WDR27: variants seen among roughly 807,000 people sequenced by gnomAD.
WDR27 encodes the protein WD repeat-containing protein 27.
Under a neutral mutation model 114.4 loss-of-function variants are expected in WDR27, and 100 were observed. That is an observed-to-expected ratio of 0.87 (90% confidence interval 0.74 to 1.03). WDR27 has a LOEUF of 1.03. Among genes scored for constraint, WDR27 ranks in the 50% least tolerant of loss-of-function variants. The probability of loss-of-function intolerance (pLI) is 0.00; values close to 1 mark genes in which losing one functional copy is unlikely to be tolerated. For missense variants in WDR27, 1,129 were observed against 1,092.9 expected, an observed-to-expected ratio of 1.03 and a Z score of -0.47; for synonymous variants, 449 against 423.1, an observed-to-expected ratio of 1.06 and a Z score of -0.75.
intron 25 of WDR27, among the ~76,000 whole-genome samples, chr6:169,540,740 C>A (rs1562554063): frequency 6.6e-6 from 1 of 151,908 alleles, no homozygotes; most frequent in Middle Eastern, 3.4e-3. Flanking sequence ...TGAATAGAAT[C>A]TCTTTTTACC....
rs375891463 is a variant in WDR27 at position 169,457,261 on chromosome 6, T to C, written c.*331A>G. On this transcript the variant is annotated 3_prime_UTR_variant, in exon 26 of 26. Coordinates refer to ENST00000448612, the MANE Select transcript of WDR27 (RefSeq NM_182552.5). ...TGCCCAAAAGAAATTCTCTCTTTTT[T>C]CTTCCAACTCTAATTATCAAACAAA... 7.2e-5 allele frequency: 15 copies of C among 207,176 alleles called. No homozygotes were observed. Among genetic ancestry groups the C allele is most frequent in the South Asian group, 5.3e-4 (5 of 9,410 alleles). The allele number at this position is 207,176 out of a possible 1,614,324, so 12.8% of individuals were successfully genotyped here.
intron 25 of WDR27, among the ~76,000 whole-genome samples, chr6:169,545,850 A>T (rs1281005704): frequency 6.6e-6 from 1 of 152,214 alleles, no homozygotes; most frequent in Non-Finnish European, 1.5e-5. Context: ...TTTATGATAC[A>T]TAGTAATTAT....
At chr6:169,697,027 C>T (rs997730394) in intron 1 of WDR27, among the ~76,000 whole-genome samples, 5 of 152,166 alleles carry the variant, frequency 3.3e-5, no homozygotes, top group East Asian at 3.9e-4. Flanking sequence ...ACCCAGGTGC[C>T]GAGGCAAGAG....
chr6:169,612,377 G>A (rs146879360), intron 22 of WDR27, among the ~76,000 whole-genome samples: 3,379 of 152,246 alleles, frequency 0.022, 90 homozygotes, highest in African/African-American at 0.062. Context: ...CTGAGATCGC[G>A]CCACTGCACT....
chr6:169,637,923 G>A (rs1354653261), intron 18 of WDR27, among the ~76,000 whole-genome samples: 2 of 152,168 alleles, frequency 1.3e-5, no homozygotes, highest in East Asian at 3.9e-4. Flanking sequence ...TTACATGCAT[G>A]TGAATATGTG....
intron 13 of WDR27, among the ~76,000 whole-genome samples, chr6:169,657,381 C>T (rs775052497): frequency 3.3e-5 from 5 of 152,204 alleles, no homozygotes; most frequent in Non-Finnish European, 5.9e-5. Context: ...TGTCTGAGGA[C>T]GGACTGACGC....
intron 2 of WDR27, among the ~76,000 whole-genome samples, chr6:169,685,912 T>C (rs370151042): frequency 6.6e-4 from 101 of 152,286 alleles, no homozygotes; most frequent in South Asian, 4.1e-3. Context: ...TATAGTCAAA[T>C]TGTCAAAATC....
chr6:169,500,538 C>T (rs1791045973), intron 25 of WDR27, among the ~76,000 whole-genome samples: 1 of 152,174 alleles, frequency 6.6e-6, no homozygotes, highest in Non-Finnish European at 1.5e-5. Context: ...GGTCTACGAC[C>T]GAGAAGGCAT....
chr6:169,541,143 A>C (rs550892125), intron 25 of WDR27, among the ~76,000 whole-genome samples: 21 of 150,982 alleles, frequency 1.4e-4, no homozygotes, highest in African/African-American at 4.4e-4. Flanking sequence ...AAAAAAAAAA[A>C]CCCTAAAATA....
chr6:169,657,330 C>G (rs1182317821), intron 13 of WDR27, among the ~76,000 whole-genome samples: 4 of 152,236 alleles, frequency 2.6e-5, no homozygotes, highest in Admixed American at 6.5e-5. Context: ...TCCCCGAAGT[C>G]AAGCTCAAGG....
intron 16 of WDR27, among the ~76,000 whole-genome samples, chr6:169,645,008 C>CAAAAA (rs1194294838): frequency 3.7e-4 from 3 of 8,174 alleles, no homozygotes; most frequent in Non-Finnish European, 3.8e-4. Context: ...GACTCCGTCT[C>CAAAAA]AAAAAAAAAA....
Position 169,660,775 on chromosome 6 carries a change from AG to A in WDR27, c.1026-10del. 6.2e-7 allele frequency: 1 copy of A among 1,610,822 alleles called. No homozygotes were observed. ...TGTTCTCAGAAGAAAGACTGATTTA[AG>A]GAAAAAAAGAAAAGAATACACAATA... On this transcript the variant is annotated splice_polypyrimidine_tract_variant and intron_variant, in intron 9 of 25. Coordinates refer to ENST00000448612, the MANE Select transcript of WDR27 (RefSeq NM_182552.5).
chr6:169,460,703 A>G (rs1784806701), intron 25 of WDR27, among the ~76,000 whole-genome samples: 1 of 152,190 alleles, frequency 6.6e-6, no homozygotes, highest in Non-Finnish European at 1.5e-5. Context: ...TACTTGGGGT[A>G]TTAGTTCCAG....
rs775275712 is a variant in WDR27, at chr6:169,658,244, T to C, written c.1402+32A>G. 26 of 1,550,432 alleles carry C rather than the reference T, an allele frequency of 1.7e-5. No homozygotes were observed. In the African/African-American group the frequency reaches 3.1e-4, roughly 19 times the overall value. On this transcript the variant is annotated intron_variant, in intron 13 of 25. Coordinates refer to ENST00000448612, the MANE Select transcript of WDR27 (RefSeq NM_182552.5). Reference sequence around the variant, plus strand: ...CCACAATGAGAACGCATCAGCCTTGTATTCTTAGATCTCACAGCACCCTGT... The same window carrying C: ...CCACAATGAGAACGCATCAGCCTTGCATTCTTAGATCTCACAGCACCCTGT...
chr6:169,665,295 A>AG, intron 7 of WDR27, 191 bp downstream of exon 7: 1 of 1,357,202 alleles, frequency 7.4e-7, no homozygotes, highest in Non-Finnish European at 9.5e-7. Flanking sequence ...TCCGCAGACC[A>AG]GGGGGCCCAG....
At chr6:169,508,490 A>T (rs1190478065) in intron 25 of WDR27, among the ~76,000 whole-genome samples, 2 of 152,144 alleles carry the variant, frequency 1.3e-5, no homozygotes, top group Non-Finnish European at 2.9e-5. Flanking sequence ...TCACTCAATG[A>T]CTCAACAAAT....
In WDR27 at chr6:169,682,970, G is replaced by A. The variant is rs151024718; in HGVS notation, c.189+5847C>T. 5.3e-5 allele frequency among the ~76,000 whole-genome samples: 8 copies of A among 152,080 alleles called. No homozygotes were observed. In the East Asian group the frequency reaches 1.5e-3, roughly 29 times the overall value. ...CAACCACAGAATTCAGCAAACAGAA[G>A]AAAGAATCAGTGAGCTCAAAGACAG... On this transcript the variant is annotated intron_variant, in intron 2 of 25. Coordinates refer to ENST00000448612, the MANE Select transcript of WDR27 (RefSeq NM_182552.5).
At chr6:169,697,305 G>C (rs1786393113) in intron 1 of WDR27, among the ~76,000 whole-genome samples, 1 of 152,210 alleles carries the variant, frequency 6.6e-6, no homozygotes, top group Non-Finnish European at 1.5e-5. Context: ...AGGACCACCA[G>C]AGGGCTCCTT....
rs1180765575 is a variant in WDR27, at chr6:169,509,829, C to G, written c.2646-52195G>C. 3.3e-5 allele frequency among the ~76,000 whole-genome samples: 5 copies of G among 152,204 alleles called. No homozygotes were observed. The East Asian group carries it at 9.6e-4, about 29-fold the overall frequency. On this transcript the variant is annotated intron_variant, in intron 25 of 25. Transcript: ENST00000448612. ...TCTGCACAGCAAAAGAAACCACCAT[C>G]ACAGTGAACAGGCAACCTACAGAAT...
Sources: gnomAD v4.1 joint callset for allele counts (sites outside exome capture counted in the v4.1 genomes callset) on GRCh38, gnomAD v4.1.1 for gene constraint, MANE v1.5 for transcripts, NCBI Gene and HGNC (gene_info 2026-07-23, HGNC 2026-07-21) for gene names.